Variants in KIAA0319L observed in about 807,000 individuals in gnomAD.
KIAA0319L encodes the protein KIAA0319 like, also known as dyslexia-associated protein KIAA0319-like protein.
Under a neutral mutation model 120.1 loss-of-function variants are expected in KIAA0319L, and 55 were observed. The ratio of observed to expected loss-of-function variants is 0.46; its 90% confidence interval spans 0.37 to 0.57. The LOEUF is 0.57. Ranked by LOEUF, KIAA0319L falls within the 20% of genes least tolerant of loss-of-function variation. The pLI, the probability that KIAA0319L is intolerant of heterozygous loss-of-function variation, is 0.00. For missense variants in KIAA0319L, 1,049 were observed against 1,255.3 expected, an observed-to-expected ratio of 0.84 and a Z score of 2.48; for synonymous variants, 398 against 471.9, an observed-to-expected ratio of 0.84 and a Z score of 2.03.
chr1:35,547,743 T>C (rs1429781216), intron 2 of KIAA0319L, among the ~76,000 whole-genome samples: 1 of 151,926 alleles, frequency 6.6e-6, no homozygotes, highest in Non-Finnish European at 1.5e-5. Context: ...GAGGAGAGGA[T>C]AGGGAGTGAC....
Position 35,456,163 on chromosome 1 carries a change from G to A in KIAA0319L, c.1506C>T (p.Pro502=), listed in dbSNP as rs75944591. ...NLTVNKAVDY[P]PVANAGPNQV... Reference sequence around the variant, plus strand: ...GGTTGGGGCCTGCGTTGGCCACAGGGGGGTAATCCACAGCTTTGTTCACTG... The same window carrying A: ...GGTTGGGGCCTGCGTTGGCCACAGGAGGGTAATCCACAGCTTTGTTCACTG... Residue 502 remains proline (P), a synonymous_variant, in exon 10 of 21, where the codon CCC becomes CCT. Coordinates refer to ENST00000325722, the MANE Select transcript of KIAA0319L (RefSeq NM_024874.5). 14 of 1,613,666 alleles carry A rather than the reference G, an allele frequency of 8.7e-6. No homozygotes were observed. Among genetic ancestry groups the A allele is most frequent in the Middle Eastern group, 1.6e-4 (1 of 6,062 alleles).
intron 8 of KIAA0319L, among the ~76,000 whole-genome samples, chr1:35,460,791 A>T (rs934693666): frequency 1.3e-5 from 2 of 152,314 alleles, no homozygotes; most frequent in East Asian, 3.9e-4. Context: ...TAACCTACAA[A>T]ATTGGTAAAG....
intron 19 of KIAA0319L, among the ~76,000 whole-genome samples, chr1:35,441,673 T>C (rs888547184): frequency 7.2e-5 from 11 of 152,174 alleles, no homozygotes; most frequent in African/African-American, 2.7e-4. Flanking sequence ...ATATTACCTA[T>C]AAAAATATTA....
intron 7 of KIAA0319L, among the ~76,000 whole-genome samples, chr1:35,465,325 T>C (rs2149113922): frequency 6.6e-6 from 1 of 152,340 alleles, no homozygotes; most frequent in Non-Finnish European, 1.5e-5. Context: ...CAGCATGACC[T>C]GGATGTGAGA....
intron 12 of KIAA0319L, 41 bp from the exon 13 acceptor site, chr1:35,451,817 G>T (rs1284119782): frequency 6.2e-7 from 1 of 1,605,454 alleles, no homozygotes; most frequent in Non-Finnish European, 8.5e-7. Context: ...GTACCTGTCT[G>T]CTGCTGTCCT....
intron 2 of KIAA0319L, among the ~76,000 whole-genome samples, chr1:35,511,863 C>A (rs1229742061): frequency 6.6e-6 from 1 of 152,060 alleles, no homozygotes; most frequent in Non-Finnish European, 1.5e-5. Context: ...AGAAATATCC[C>A]CCCTCATAAC....
chr1:35,549,478 T>A (rs1173892563), intron 2 of KIAA0319L, among the ~76,000 whole-genome samples: 3 of 152,322 alleles, frequency 2.0e-5, no homozygotes, highest in South Asian at 4.1e-4. Flanking sequence ...AATTTATCTC[T>A]GTACTCAAAA....
upstream of KIAA0319L, chr1:35,557,599 C>G (rs534934550): frequency 4.5e-6 from 2 of 442,728 alleles, no homozygotes; most frequent in Admixed American, 2.5e-5. Flanking sequence ...TCTCCAGAGG[C>G]AGTCTGCACC....
At chr1:35,457,355 A>C (rs965204955) in intron 9 of KIAA0319L, among the ~76,000 whole-genome samples, 1 of 152,144 alleles carries the variant, frequency 6.6e-6, no homozygotes, top group Admixed American at 6.5e-5. Flanking sequence ...CTGTTTACAC[A>C]TCACAACGAT....
In KIAA0319L at chr1:35,470,929, A is replaced by T; in HGVS notation, c.1047T>A (p.Ile349=). The part of the protein sequence containing the change: ...GETYTYDWQL[I]THPRDYSGEM... ...CTCCACTGTAGTCTCTAGGATGAGT[A>T]ATCAGCTGCCAGTCGTAGGTGTAGG... The change falls in exon 6 of 21, where the codon ATT becomes ATA. Residue 349 remains isoleucine, a synonymous_variant. Coordinates refer to ENST00000325722, the MANE Select transcript of KIAA0319L (RefSeq NM_024874.5). 6.2e-7 allele frequency: 1 copy of T among 1,612,876 alleles called. No homozygotes were observed. Among genetic ancestry groups the T allele is most frequent in the Non-Finnish European group, 8.5e-7 (1 of 1,178,810 alleles).
Position 35,441,074 on chromosome 1 carries a change from G to A in KIAA0319L, c.2935C>T (p.Leu979=), listed in dbSNP as rs1340788671. ...GCTCGGGAGGTTGGCTTCAGCTCCA[G>A]GCTTTCCTGATCCGTGGCATCCAGG... ...KILDATDQES[L]ELKPTSRAGI... Residue 979 remains leucine, a synonymous_variant, in exon 20 of 21, where the codon CTG becomes TTG. Coordinates refer to ENST00000325722, the MANE Select transcript of KIAA0319L (RefSeq NM_024874.5). 6.2e-7 allele frequency: 1 copy of A among 1,614,058 alleles called. No individual in the cohort carries two copies. Among genetic ancestry groups the A allele is most frequent in the African/African-American group, 1.3e-5 (1 of 74,932 alleles).
intron 7 of KIAA0319L, 75 bp downstream of exon 7, chr1:35,466,533 C>A: frequency 1.0e-6 from 1 of 992,498 alleles, no homozygotes; most frequent in Non-Finnish European, 1.6e-6. Flanking sequence ...AATCAAAAAC[C>A]CCAAATCAAA....
In KIAA0319L at chr1:35,451,218, C is replaced by T. The variant is rs115425163; in HGVS notation, c.2062+410G>A. 7.5e-3 allele frequency among the ~76,000 whole-genome samples: 1,142 copies of T among 152,290 alleles called. 13 individuals are homozygous for T. Among genetic ancestry groups the T allele is most frequent in the African/African-American group, 0.026 (1,094 of 41,558 alleles). ...AGGGCAAGCATAGTCAGCTGTAGTG[C>T]GGCCGTCATTCTCAAGCCTGACAGC... On this transcript the variant is annotated intron_variant, in intron 13 of 20. Transcript: ENST00000325722.
chr1:35,532,604 C>T (rs1646413466), intron 2 of KIAA0319L, among the ~76,000 whole-genome samples: 1 of 152,124 alleles, frequency 6.6e-6, no homozygotes, highest in South Asian at 2.1e-4. Context: ...TTGGTAGAGT[C>T]AATATTGGAT....
chr1:35,513,811 C>A (rs1645569889), intron 2 of KIAA0319L, among the ~76,000 whole-genome samples: 1 of 152,156 alleles, frequency 6.6e-6, no homozygotes, highest in African/African-American at 2.4e-5. Flanking sequence ...AAATCTCTGA[C>A]AAACGTTTCC....
chr1:35,481,209 AGT>A (rs1036677063), intron 3 of KIAA0319L, among the ~76,000 whole-genome samples: 3 of 152,188 alleles, frequency 2.0e-5, no homozygotes, highest in African/African-American at 7.2e-5. Context: ...TGGAATTTTA[AGT>A]TGTTTTCCGT....
intron 15 of KIAA0319L, 59 bp downstream of exon 15, chr1:35,449,808 A>G: frequency 6.3e-7 from 1 of 1,590,568 alleles, no homozygotes; most frequent in Non-Finnish European, 8.6e-7. Context: ...ATCTCAGGAT[A>G]GAGGCCTTGA....
chr1:35,451,231 C>T (rs1034234686), intron 13 of KIAA0319L, among the ~76,000 whole-genome samples: 2 of 152,234 alleles, frequency 1.3e-5, no homozygotes, highest in Non-Finnish European at 2.9e-5. Context: ...CCGTCATTCT[C>T]AAGCCTGACA....
At position 35,486,737 on chromosome 1, in the gene KIAA0319L, CA is replaced by C. The variant is rs4045085; in HGVS notation, c.667-7526del. On this transcript the variant is annotated intron_variant, in intron 3 of 20. Transcript: ENST00000325722. ...ACAACATAGCGAGACCCCATTTCTA[CA>C]AAAAAAAAAAAAAAAAATTATAATT... is the stretch of plus-strand genomic sequence containing the variant. Among the ~76,000 whole-genome samples, 488 of 86,914 alleles carry C rather than the reference CA, an allele frequency of 5.6e-3. 2 individuals carry two copies. The highest frequency in any genetic ancestry group is 0.032 in the South Asian group (97 of 3,000). 57.0% of individuals were successfully genotyped at this position (86,914 alleles called of 152,430 possible).
Sources: gnomAD v4.1 joint callset for allele counts (sites outside exome capture counted in the v4.1 genomes callset) on GRCh38, gnomAD v4.1.1 for gene constraint, MANE v1.5 for transcripts, NCBI Gene and HGNC (gene_info 2026-07-23, HGNC 2026-07-21) for gene names.